Variants in GPHN observed in about 807,000 individuals in gnomAD.
GPHN encodes the protein gephyrin.
Under a neutral mutation model 95.5 loss-of-function variants are expected in GPHN, and 17 were observed. The observed-to-expected ratio is 0.18, with a 90% CI of 0.12 to 0.27. The LOEUF is 0.27. GPHN is among the 10% of genes least tolerant of loss of function. The pLI, the probability that GPHN is intolerant of heterozygous loss-of-function variation, is 1.00. For missense variants in GPHN, 660 were observed against 978.1 expected (o/e 0.67, Z 4.34); for synonymous variants, 320 against 322.5 (o/e 0.99, Z 0.08).
At chr14:67,643,526 T>C in the GPHN span, among the ~76,000 whole-genome samples, 1 of 152,152 alleles carries the variant, frequency 6.6e-6, no homozygotes, top group African/African-American at 2.4e-5. Context: ...GGGACAGATA[T>C]ATAAGAACTT....
intron 2 of GPHN, among the ~76,000 whole-genome samples, chr14:66,740,169 A>G (rs754620571): frequency 1.1e-4 from 16 of 152,156 alleles, no homozygotes; most frequent in Non-Finnish European, 1.5e-5. Context: ...AAATGTCTAA[A>G]ATATAATCAA....
chr14:67,045,152 G>A (rs140228438), intron 10 of GPHN, among the ~76,000 whole-genome samples: 1 of 152,132 alleles, frequency 6.6e-6, no homozygotes, highest in Non-Finnish European at 1.5e-5. Flanking sequence ...AGGATTCTGG[G>A]AGGATTTTCC....
chr14:66,540,518 T>C (rs2059317193), intron 1 of GPHN, among the ~76,000 whole-genome samples: 1 of 152,212 alleles, frequency 6.6e-6, no homozygotes, highest in African/African-American at 2.4e-5. Context: ...GTAGAATTCT[T>C]CCTTCTGTCT....
At chr14:66,909,660 C>T (rs910504667) in intron 5 of GPHN, among the ~76,000 whole-genome samples, 1 of 151,920 alleles carries the variant, frequency 6.6e-6, no homozygotes, top group African/African-American at 2.4e-5. Flanking sequence ...TCGAAGGGAA[C>T]TTCCTTAATT....
the GPHN span, among the ~76,000 whole-genome samples, chr14:67,484,645 C>T: frequency 2.0e-5 from 3 of 151,942 alleles, no homozygotes; most frequent in African/African-American, 4.8e-5. Flanking sequence ...ATTCATAGGC[C>T]GGGCATGGGG....
chr14:67,174,152 C>A (rs1008292734), intron 21 of GPHN, among the ~76,000 whole-genome samples: 1 of 152,130 alleles, frequency 6.6e-6, no homozygotes, highest in African/African-American at 2.4e-5. Flanking sequence ...ATACATGTGC[C>A]ATGTTGGTTT....
At chr14:67,169,579 G>A (rs1488287504) in intron 21 of GPHN, among the ~76,000 whole-genome samples, 1 of 152,158 alleles carries the variant, frequency 6.6e-6, no homozygotes, top group Non-Finnish European at 1.5e-5. Context: ...CTGGAAATTA[G>A]GTCTCCTTCT....
chr14:66,778,206 A>G (rs988130674), intron 3 of GPHN, among the ~76,000 whole-genome samples: 1 of 152,184 alleles, frequency 6.6e-6, no homozygotes, highest in African/African-American at 2.4e-5. Flanking sequence ...CCAAATCATG[A>G]GTGAACTCCC....
chr14:66,542,655 C>A (rs1354390796), intron 1 of GPHN, among the ~76,000 whole-genome samples: 1 of 152,188 alleles, frequency 6.6e-6, no homozygotes, highest in Non-Finnish European at 1.5e-5. Context: ...CACATGAAGA[C>A]AAACCTACTG....
intron 6 of GPHN, among the ~76,000 whole-genome samples, chr14:66,916,881 G>T (rs148789530): frequency 5.2e-4 from 79 of 152,268 alleles, no homozygotes; most frequent in African/African-American, 1.6e-3. Flanking sequence ...AGTCATGTTT[G>T]TCTGGGCATC....
At chr14:67,651,964 C>CTCCTATA in the GPHN span, among the ~76,000 whole-genome samples, 1 of 152,172 alleles carries the variant, frequency 6.6e-6, no homozygotes, top group East Asian at 1.9e-4. Flanking sequence ...TAAAAATTTT[C>CTCCTATA]CTATCTGTTG....
intron 4 of GPHN, among the ~76,000 whole-genome samples, chr14:66,839,706 TTGATGAGA>T (rs2061998287): frequency 6.6e-6 from 1 of 152,178 alleles, no homozygotes; most frequent in Admixed American, 6.6e-5. Flanking sequence ...AATACCCCCA[TTGATGAGA>T]TTCAAAAGAA....
At chr14:67,620,247 C>G in the GPHN span, among the ~76,000 whole-genome samples, 1 of 146,310 alleles carries the variant, frequency 6.8e-6, no homozygotes, top group Non-Finnish European at 1.5e-5. Flanking sequence ...ACCGTGGGAG[C>G]ATGTGGGATA....
At chr14:66,922,270 T>C (rs1275292935) in intron 6 of GPHN, among the ~76,000 whole-genome samples, 1 of 124,242 alleles carries the variant, frequency 8.0e-6, no homozygotes, top group Non-Finnish European at 1.5e-5. Context: ...GCAGAGTGTA[T>C]GTTTTTTTTT....
At chr14:66,932,115 C>G (rs2066830748) in intron 8 of GPHN, among the ~76,000 whole-genome samples, 1 of 152,212 alleles carries the variant, frequency 6.6e-6, no homozygotes, top group Non-Finnish European at 1.5e-5. Flanking sequence ...CAGAGGTACT[C>G]TGACTCTTAT....
chr14:66,937,395 T>C (rs1567124831), intron 8 of GPHN, among the ~76,000 whole-genome samples: 1 of 151,896 alleles, frequency 6.6e-6, no homozygotes, highest in African/African-American at 2.4e-5. Flanking sequence ...TTTTTTTTTT[T>C]TTTTGAGACT....
chr14:67,111,393 A>G (rs2078363083), intron 14 of GPHN, among the ~76,000 whole-genome samples: 1 of 152,210 alleles, frequency 6.6e-6, no homozygotes, highest in Non-Finnish European at 1.5e-5. Context: ...GAAATCTACT[A>G]CCAGGCAAAC....
At chr14:67,397,286 G>A in the GPHN span, among the ~76,000 whole-genome samples, 189 of 152,218 alleles carry the variant, frequency 1.2e-3, 1 homozygote, top group Non-Finnish European at 1.8e-3. Context: ...CTTCTGGAAC[G>A]CAGACCCCTC....
intron 1 of GPHN, among the ~76,000 whole-genome samples, chr14:66,540,214 G>A (rs2059307852): frequency 6.6e-6 from 1 of 152,176 alleles, no homozygotes; most frequent in African/African-American, 2.4e-5. Flanking sequence ...TTTGGGCCAT[G>A]CTGTTCTTGT....
Sources: gnomAD v4.1 joint callset for allele counts (sites outside exome capture counted in the v4.1 genomes callset) on GRCh38, gnomAD v4.1.1 for gene constraint, MANE v1.5 for transcripts, NCBI Gene and HGNC (gene_info 2026-07-23, HGNC 2026-07-21) for gene names.